Variants in RCBTB1 observed in about 807,000 individuals in gnomAD.
RCBTB1 encodes the protein RCC1 and BTB domain containing protein 1.
In RCBTB1, 46 loss-of-function variants were observed where a neutral mutation model predicts 62.4. The observed-to-expected ratio is 0.74, with a 90% CI of 0.58 to 0.94. RCBTB1 has a LOEUF of 0.94. Ranked by LOEUF, RCBTB1 falls within the 40% of genes least tolerant of loss-of-function variation. The pLI is 0.00. For missense variants in RCBTB1, 565 were observed against 654.9 expected (o/e 0.86, Z 1.50); for synonymous variants, 222 against 245.8 (o/e 0.90, Z 0.91).
At chr13:49,550,627 T>C (rs1432646336) in intron 8 of RCBTB1, among the ~76,000 whole-genome samples, 1 of 152,212 alleles carries the variant, frequency 6.6e-6, no homozygotes, top group Non-Finnish European at 1.5e-5. Context: ...AAAGTTTATA[T>C]TACACCATAA....
intron 12 of RCBTB1, among the ~76,000 whole-genome samples, chr13:49,539,668 C>T (rs1240272831): frequency 2.6e-5 from 4 of 152,030 alleles, no homozygotes; most frequent in Non-Finnish European, 5.9e-5. Flanking sequence ...TCTAAAGAAA[C>T]AGCTTTTCTA....
intron 12 of RCBTB1, among the ~76,000 whole-genome samples, chr13:49,538,449 G>A (rs1291028972): frequency 6.6e-6 from 1 of 152,182 alleles, no homozygotes; most frequent in Non-Finnish European, 1.5e-5. Flanking sequence ...AGTGGCTCAT[G>A]CCTATAATCC....
chr13:49,572,493 C>T (rs1318539191), intron 2 of RCBTB1, among the ~76,000 whole-genome samples: 1 of 152,098 alleles, frequency 6.6e-6, no homozygotes, highest in Non-Finnish European at 1.5e-5. Context: ...TGTAGTTCAA[C>T]TAAATTTCAT....
At chr13:49,554,450 A>T (rs1026820612) in intron 6 of RCBTB1, among the ~76,000 whole-genome samples, 3 of 152,186 alleles carry the variant, frequency 2.0e-5, no homozygotes, top group African/African-American at 2.4e-5. Context: ...TTGATTTTTT[A>T]AAAAATAAGT....
At chr13:49,547,057 A>G (rs1960844616) in intron 9 of RCBTB1, 1 of 1,257,868 alleles carries the variant, frequency 7.9e-7, no homozygotes, top group African/African-American at 1.6e-5. Flanking sequence ...GTTAAGTAGT[A>G]TATACAAATC....
intron 12 of RCBTB1, among the ~76,000 whole-genome samples, chr13:49,536,084 C>T (rs552745879): frequency 8.9e-4 from 135 of 151,906 alleles, no homozygotes; most frequent in African/African-American, 3.0e-3. Context: ...CCACTAATCA[C>T]AATTCACTTT....
chr13:49,564,774 C>T (rs1379771162), intron 4 of RCBTB1, among the ~76,000 whole-genome samples: 1 of 150,408 alleles, frequency 6.6e-6, no homozygotes, highest in East Asian at 2.0e-4. Flanking sequence ...GCCAGTAGTC[C>T]CAGCTACTCG....
At chr13:49,551,861 T>C (rs193054544) in intron 7 of RCBTB1, among the ~76,000 whole-genome samples, 1,581 of 144,760 alleles carry the variant, frequency 0.011, 11 homozygotes, top group Non-Finnish European at 0.017. Flanking sequence ...GATCGTGCCA[T>C]TGCACTCCAG....
chr13:49,543,441 G>A (rs1447632070), intron 10 of RCBTB1, among the ~76,000 whole-genome samples: 1 of 152,200 alleles, frequency 6.6e-6, no homozygotes, highest in Non-Finnish European at 1.5e-5. Context: ...GACAGAAACA[G>A]TTCCAGTTCA....
At chr13:49,535,773 T>C (rs1424567536) in intron 12 of RCBTB1, among the ~76,000 whole-genome samples, 1 of 151,944 alleles carries the variant, frequency 6.6e-6, no homozygotes, top group African/African-American at 2.4e-5. Flanking sequence ...GCCTGTAATC[T>C]CAGCACTTTG....
At chr13:49,569,654 G>T (rs7986405) in intron 2 of RCBTB1, among the ~76,000 whole-genome samples, 125,866 of 150,874 alleles carry the variant, frequency 0.83, 52,652 homozygotes, top group East Asian at 0.89. Flanking sequence ...AGGCAGAGGT[G>T]GCTGTGAGCC....
intron 5 of RCBTB1, among the ~76,000 whole-genome samples, chr13:49,556,747 CAAAT>C (rs1032681387): frequency 2.0e-4 from 30 of 152,176 alleles, no homozygotes. Context: ...AGGTACAAAA[CAAAT>C]AACCTGCAAC....
chr13:49,568,562 G>A (rs544321048), intron 2 of RCBTB1, among the ~76,000 whole-genome samples: 18 of 151,914 alleles, frequency 1.2e-4, no homozygotes, highest in East Asian at 5.8e-4. Context: ...CCCACACAGC[G>A]TACTCTCACG....
At chr13:49,573,620 G>C (rs1245216500) in intron 2 of RCBTB1, among the ~76,000 whole-genome samples, 1 of 151,104 alleles carries the variant, frequency 6.6e-6, no homozygotes, top group African/African-American at 2.4e-5. Flanking sequence ...GGCTAATTTT[G>C]CATTTTTTTA....
Position 49,543,796 on chromosome 13 carries a change from C to T in RCBTB1, c.1172+941G>A, listed in dbSNP as rs536051673. On this transcript the variant is annotated intron_variant, in intron 10 of 12. Transcript: ENST00000378302. ...GATCTACTGGGCTCAAGCAATCCTT[C>T]CACCTCAGCCTCCAGAGCAGCTGGA... 1.6e-4 allele frequency among the ~76,000 whole-genome samples: 25 copies of T among 152,318 alleles called. No homozygotes were observed. The South Asian group carries it at 4.8e-3, about 29-fold the overall frequency.
intron 10 of RCBTB1, among the ~76,000 whole-genome samples, 181 bp downstream of exon 10, chr13:49,544,556 A>T (rs1310003327): frequency 6.6e-6 from 1 of 152,206 alleles, no homozygotes; most frequent in Admixed American, 6.5e-5. Context: ...TTTTTCTAAA[A>T]CGCTCCATGA....
intron 9 of RCBTB1, chr13:49,546,897 G>A (rs1026039246): frequency 3.1e-6 from 3 of 972,162 alleles, no homozygotes; most frequent in Non-Finnish European, 3.7e-6. Flanking sequence ...ATGGCCTGGG[G>A]TGTGGGGACC....
chr13:49,547,220 A>G, intron 9 of RCBTB1: 1 of 1,221,160 alleles, frequency 8.2e-7, no homozygotes, highest in Non-Finnish European at 1.1e-6. Context: ...CATGGCAAAA[A>G]TAAAGTGAAA....
chr13:49,566,572 GGTCA>G, intron 4 of RCBTB1, 42 bp downstream of exon 4: 1 of 1,579,126 alleles, frequency 6.3e-7, no homozygotes, highest in Non-Finnish European at 8.6e-7. Flanking sequence ...AGAATTAACC[GGTCA>G]ATTTCTTACA....
Sources: gnomAD v4.1 joint callset for allele counts (sites outside exome capture counted in the v4.1 genomes callset) on GRCh38, gnomAD v4.1.1 for gene constraint, MANE v1.5 for transcripts, NCBI Gene and HGNC (gene_info 2026-07-23, HGNC 2026-07-21) for gene names.